The following RNF180 variants were observed in gnomAD, a reference collection of about 807,000 sequenced individuals.
RNF180 encodes the protein E3 ubiquitin-protein ligase RNF180.
A neutral mutation model predicts 59.2 loss-of-function variants in RNF180; 38 were observed. The observed-to-expected ratio is 0.64, with a 90% CI of 0.50 to 0.84. The LOEUF is 0.84. Ranked by LOEUF, RNF180 falls within the 40% of genes least tolerant of loss-of-function variation. The pLI, the probability that RNF180 is intolerant of heterozygous loss-of-function variation, is 0.00. For synonymous variants in RNF180, 262 were observed against 240.3 expected, an observed-to-expected ratio of 1.09 and a Z score of -0.84; for missense variants, 705 against 700.9, an observed-to-expected ratio of 1.01 and a Z score of -0.07.
chr5:64,273,180 G>C (rs550448484), intron 5 of RNF180, among the ~76,000 whole-genome samples: 30 of 152,036 alleles, frequency 2.0e-4, no homozygotes, highest in African/African-American at 6.7e-4. Context: ...ACACTTTACA[G>C]ATGCCAAGGG....
chr5:64,319,411 T>C (rs1744228936), intron 5 of RNF180, among the ~76,000 whole-genome samples: 2 of 152,168 alleles, frequency 1.3e-5, no homozygotes, highest in African/African-American at 4.8e-5. Context: ...TTGCTGATTT[T>C]GATTATTGTG....
At chr5:64,198,348 G>A (rs1751559454) in intron 1 of RNF180, among the ~76,000 whole-genome samples, 1 of 152,066 alleles carries the variant, frequency 6.6e-6, no homozygotes, top group Admixed American at 6.5e-5. Flanking sequence ...CCCTGAAGGA[G>A]ATTCATAGAG....
At chr5:64,248,091 T>G (rs1003084857) in intron 5 of RNF180, among the ~76,000 whole-genome samples, 2 of 152,128 alleles carry the variant, frequency 1.3e-5, no homozygotes, top group Non-Finnish European at 2.9e-5. Flanking sequence ...TCCTTACACC[T>G]TATACAAAAA....
At chr5:64,207,614 G>A (rs2112088797) in intron 2 of RNF180, among the ~76,000 whole-genome samples, 1 of 152,230 alleles carries the variant, frequency 6.6e-6, no homozygotes, top group South Asian at 2.1e-4. Flanking sequence ...AGATTATTTT[G>A]GTAATAGTGT....
At chr5:64,295,146 T>C (rs1019501082) in intron 5 of RNF180, among the ~76,000 whole-genome samples, 24 of 152,222 alleles carry the variant, frequency 1.6e-4, no homozygotes, top group Non-Finnish European at 1.5e-5. Context: ...TATGTGAATA[T>C]ACTACAGCAT....
At chr5:64,219,799 G>A (rs1265872320) in intron 5 of RNF180, among the ~76,000 whole-genome samples, 8 of 151,958 alleles carry the variant, frequency 5.3e-5, no homozygotes, top group African/African-American at 9.7e-5. Context: ...GATTACAGGC[G>A]TGAGCCACCG....
chr5:64,352,414 C>T (rs1353609970), intron 7 of RNF180, among the ~76,000 whole-genome samples: 5 of 151,998 alleles, frequency 3.3e-5, no homozygotes, highest in Admixed American at 6.6e-5. Context: ...CAATTCTGCT[C>T]TCATCTTAGT....
Position 64,219,811 on chromosome 5 carries a change from G to A in RNF180, c.1227+2415G>A, listed in dbSNP as rs148141105. Among the ~76,000 whole-genome samples the A allele has an allele frequency of 1.2e-3, 175 of 152,148 alleles. 1 individual carries two copies. In the East Asian group the frequency reaches 0.013, roughly 11 times the overall value. ...TAGGATTACAGGCGTGAGCCACCGC[G>A]CCTGGCCGAGGATAACATTTTTTTA... On this transcript the variant is annotated intron_variant, in intron 5 of 7. Transcript: ENST00000389100.
intron 6 of RNF180, among the ~76,000 whole-genome samples, chr5:64,327,158 T>G (rs1184323556): frequency 6.6e-6 from 1 of 152,142 alleles, no homozygotes; most frequent in Non-Finnish European, 1.5e-5. Flanking sequence ...TCTTTTTTGT[T>G]TCTGATTTTA....
rs563686036 is a variant in RNF180, at chr5:64,281,904, A to G, written c.1228-43282A>G. Among the ~76,000 whole-genome samples, 4 of 152,288 alleles carry G rather than the reference A, an allele frequency of 2.6e-5. No individual in the cohort carries two copies. In the South Asian group the frequency reaches 8.3e-4, roughly 32 times the overall value. Reference sequence around the variant, plus strand: ...TAGTTCTGTTTATGTGATGAATCGCATTTATTGATTTGCATATGTTGGACC... The same window carrying G: ...TAGTTCTGTTTATGTGATGAATCGCGTTTATTGATTTGCATATGTTGGACC... On this transcript the variant is annotated intron_variant, in intron 5 of 7. Coordinates refer to ENST00000389100, the MANE Select transcript of RNF180 (RefSeq NM_001113561.2).
chr5:64,303,872 C>A (rs765532222), intron 5 of RNF180, among the ~76,000 whole-genome samples: 1 of 151,616 alleles, frequency 6.6e-6, no homozygotes, highest in Non-Finnish European at 1.5e-5. Context: ...AAGATGCCCT[C>A]TAGGACTTCA....
Position 64,223,837 on chromosome 5 carries a change from C to T in RNF180, c.1227+6441C>T, listed in dbSNP as rs140474557. Among the ~76,000 whole-genome samples the T allele has an allele frequency of 4.9e-4, 75 of 152,194 alleles. 1 individual carries two copies. In the East Asian group the frequency reaches 0.014, roughly 28 times the overall value. On this transcript the variant is annotated intron_variant, in intron 5 of 7. Transcript: ENST00000389100. Reference sequence around the variant, plus strand: ...GATACAACAATGAATGAAATATCATCGCTTCCTGGAAATGGAAGTAGAGGG... The same window carrying T: ...GATACAACAATGAATGAAATATCATTGCTTCCTGGAAATGGAAGTAGAGGG...
At chr5:64,305,750 CAG>C (rs1295627332) in intron 5 of RNF180, among the ~76,000 whole-genome samples, 1 of 151,364 alleles carries the variant, frequency 6.6e-6, no homozygotes, top group Non-Finnish European at 1.5e-5. Flanking sequence ...TTATAAGCAA[CAG>C]AGATTTATTT....
At chr5:64,303,750 C>G (rs559077854) in intron 5 of RNF180, among the ~76,000 whole-genome samples, 4 of 151,710 alleles carry the variant, frequency 2.6e-5, no homozygotes, top group Non-Finnish European at 4.4e-5. Context: ...GCAGTAAGTA[C>G]TGGTGTAGAA....
intron 1 of RNF180, among the ~76,000 whole-genome samples, chr5:64,190,359 G>A (rs1330838096): frequency 6.6e-6 from 1 of 152,152 alleles, no homozygotes; most frequent in Non-Finnish European, 1.5e-5. Flanking sequence ...CATATACATT[G>A]CATGCTTTCA....
intron 7 of RNF180, among the ~76,000 whole-genome samples, chr5:64,360,095 T>C (rs1169437214): frequency 6.6e-6 from 1 of 151,978 alleles, no homozygotes; most frequent in Non-Finnish European, 1.5e-5. Context: ...TTCTATTGGC[T>C]TAGGATTGAC....
intron 1 of RNF180, among the ~76,000 whole-genome samples, chr5:64,177,512 G>C (rs1750302293): frequency 8.3e-6 from 1 of 120,186 alleles, no homozygotes; most frequent in Non-Finnish European, 1.7e-5. Context: ...TTTTTTCAAA[G>C]GCATAAATTA....
chr5:64,329,812 CTA>C (rs1744817730), intron 6 of RNF180, among the ~76,000 whole-genome samples: 1 of 152,192 alleles, frequency 6.6e-6, no homozygotes, highest in Admixed American at 6.5e-5. Flanking sequence ...GGTTCACTTC[CTA>C]TGAGAATCTA....
chr5:64,307,685 C>T (rs1198660110), intron 5 of RNF180, among the ~76,000 whole-genome samples: 4 of 151,730 alleles, frequency 2.6e-5, no homozygotes, highest in Admixed American at 1.3e-4. Flanking sequence ...CTACCTTAAA[C>T]GTGCTCAGAA....
Sources: gnomAD v4.1 joint callset for allele counts (sites outside exome capture counted in the v4.1 genomes callset) on GRCh38, gnomAD v4.1.1 for gene constraint, MANE v1.5 for transcripts, NCBI Gene and HGNC (gene_info 2026-07-23, HGNC 2026-07-21) for gene names.